Variants in OR2C1 observed in about 807,000 individuals in gnomAD.
OR2C1 encodes the protein olfactory receptor family 2 subfamily C member 1.
For missense variants in OR2C1, 468 were observed against 388.3 expected (o/e 1.21, Z -1.73); for synonymous variants, 209 against 167.3 (o/e 1.25, Z -1.92).
the OR2C1 span, among the ~76,000 whole-genome samples, chr16:3,342,114 G>A: frequency 5.9e-4 from 90 of 152,188 alleles, no homozygotes; most frequent in Admixed American, 9.8e-4. Flanking sequence ...AGCTAGGCGT[G>A]GTGGCACACG....
chr16:3,338,537 C>CATTTTTTTTTTTTT, the OR2C1 span, among the ~76,000 whole-genome samples: 1 of 28,244 alleles, frequency 3.5e-5, no homozygotes, highest in Non-Finnish European at 6.8e-5. Flanking sequence ...AGTATAGGTA[C>CATTTTTTTTTTTTT]CTTTTTTTTT....
the OR2C1 span, among the ~76,000 whole-genome samples, chr16:3,344,526 G>A: frequency 3.5e-4 from 54 of 152,252 alleles, no homozygotes; most frequent in Non-Finnish European, 7.2e-4. Context: ...AGGAGATCGA[G>A]ACCATCCTGG....
At chr16:3,346,689 G>A in the OR2C1 span, among the ~76,000 whole-genome samples, 6 of 147,352 alleles carry the variant, frequency 4.1e-5, no homozygotes, top group African/African-American at 1.5e-4. Context: ...GAGTGCAGTG[G>A]CGCAATCTTG....
At chr16:3,342,604 G>T in the OR2C1 span, among the ~76,000 whole-genome samples, 1 of 152,194 alleles carries the variant, frequency 6.6e-6, no homozygotes, top group African/African-American at 2.4e-5. Context: ...ACGAGGCCGG[G>T]CGCAGTGACT....
the OR2C1 span, among the ~76,000 whole-genome samples, chr16:3,341,532 T>A: frequency 1.3e-5 from 2 of 152,320 alleles, no homozygotes; most frequent in Admixed American, 6.5e-5. Flanking sequence ...TCAGAAAACA[T>A]TAAAACTTCT....
the OR2C1 span, among the ~76,000 whole-genome samples, chr16:3,338,811 C>T: frequency 0.24 from 36,154 of 151,972 alleles, 4,459 homozygotes; most frequent in Non-Finnish European, 0.27. Flanking sequence ...GCTGGGATTA[C>T]GGGCTTGAGC....
chr16:3,333,063 A>G, the OR2C1 span, among the ~76,000 whole-genome samples: 6 of 152,198 alleles, frequency 3.9e-5, no homozygotes, highest in East Asian at 1.2e-3. Flanking sequence ...TTTTTAAATT[A>G]AAGCCATTTT....
At chr16:3,336,885 T>A in the OR2C1 span, among the ~76,000 whole-genome samples, 6 of 151,742 alleles carry the variant, frequency 4.0e-5, no homozygotes, top group East Asian at 1.2e-3. Context: ...ATTTTGTAAT[T>A]TTAGTAGAGA....
the OR2C1 span, among the ~76,000 whole-genome samples, chr16:3,330,893 C>A: frequency 6.6e-6 from 1 of 151,796 alleles, no homozygotes; most frequent in Non-Finnish European, 1.5e-5. Context: ...AGGTGTGCAC[C>A]ACTAGGCCCA....
the OR2C1 span, among the ~76,000 whole-genome samples, chr16:3,342,053 T>C: frequency 0.61 from 92,605 of 152,032 alleles, 28,401 homozygotes; most frequent in East Asian, 0.78. Flanking sequence ...AGATGTCCTT[T>C]TATGGATCAG....
chr16:3,340,535 G>A, the OR2C1 span, among the ~76,000 whole-genome samples: 2 of 152,174 alleles, frequency 1.3e-5, no homozygotes, highest in African/African-American at 2.4e-5. Flanking sequence ...CCAAGGTCAT[G>A]AAGATTTACC....
chr16:3,341,075 T>A, the OR2C1 span, among the ~76,000 whole-genome samples: 1 of 152,126 alleles, frequency 6.6e-6, no homozygotes, highest in Admixed American at 6.6e-5. Flanking sequence ...ATTAAGGCTT[T>A]CCAACTATAA....
Position 3,356,098 on chromosome 16 carries a change from C to A in OR2C1, c.158C>A (p.Ala53Asp), listed in dbSNP as rs538528608. 135 of 1,614,190 alleles carry A rather than the reference C, an allele frequency of 8.4e-5. 2 individuals carry two copies. The South Asian group carries it at 1.4e-3, about 16-fold the overall frequency. ...ATCATCTTGCTTTCCCGCCTGGAGG[C>A]CCGGCTCCATACACCCATGTACTTC... ...STIILLSRLE[A>D]RLHTPMYFFL... Residue 53 changes from alanine (A) to aspartate (D), a missense_variant, in exon 1 of 1, where the codon GCC becomes GAC. Coordinates refer to ENST00000304936, the MANE Select transcript of OR2C1 (RefSeq NM_012368.3).
At chr16:3,323,423 G>A in the OR2C1 span, 1 of 761,930 alleles carries the variant, frequency 1.3e-6, no homozygotes, top group Non-Finnish European at 2.4e-6. Context: ...TGTGTTGTCT[G>A]TCAGAGGGAT....
At chr16:3,325,591 G>C in the OR2C1 span, among the ~76,000 whole-genome samples, 1 of 150,398 alleles carries the variant, frequency 6.6e-6, no homozygotes, top group Non-Finnish European at 1.5e-5. Context: ...TCACAGGCTT[G>C]CCACAAACCT....
chr16:3,345,379 G>C, the OR2C1 span, among the ~76,000 whole-genome samples: 3 of 151,872 alleles, frequency 2.0e-5, no homozygotes, highest in African/African-American at 7.2e-5. Flanking sequence ...CCAGCTACTC[G>C]GGAGGCTGAG....
At chr16:3,338,858 G>GAT in the OR2C1 span, among the ~76,000 whole-genome samples, 3 of 152,042 alleles carry the variant, frequency 2.0e-5, no homozygotes, top group Non-Finnish European at 4.4e-5. Flanking sequence ...TAAATAAGGT[G>GAT]ATATTCACAT....
the OR2C1 span, among the ~76,000 whole-genome samples, chr16:3,334,139 ATT>A: frequency 4.2e-5 from 6 of 142,858 alleles, no homozygotes; most frequent in East Asian, 2.1e-4. Flanking sequence ...TGCTTTGCTA[ATT>A]TTTTTTTTTT....
the OR2C1 span, chr16:3,323,652 A>G: frequency 1.3e-4 from 93 of 708,198 alleles, no homozygotes; most frequent in African/African-American, 1.5e-3. Flanking sequence ...CTTTTGCTGC[A>G]TACAACAAAG....
Sources: gnomAD v4.1 joint callset for allele counts (sites outside exome capture counted in the v4.1 genomes callset) on GRCh38, gnomAD v4.1.1 for gene constraint, MANE v1.5 for transcripts, NCBI Gene and HGNC (gene_info 2026-07-23, HGNC 2026-07-21) for gene names.